The following PPP4R1 variants were observed in gnomAD, a reference collection of about 807,000 sequenced individuals.
PPP4R1 encodes the protein protein phosphatase 4 regulatory subunit 1, also known as serine/threonine-protein phosphatase 4 regulatory subunit 1.
In PPP4R1, 42 loss-of-function variants were observed where a neutral mutation model predicts 111.2. That is an observed-to-expected ratio of 0.38 (90% CI 0.29 to 0.49). The LOEUF (loss-of-function observed/expected upper bound fraction) is 0.49. Among genes scored for constraint, PPP4R1 ranks in the 20% least tolerant of loss-of-function variants. The pLI, the probability that PPP4R1 is intolerant of heterozygous loss-of-function variation, is 0.97. For synonymous variants in PPP4R1, 409 were observed against 405.5 expected (o/e 1.01, Z -0.10); for missense variants, 1,012 against 1,161.6 (o/e 0.87, Z 1.87).
chr18:9,573,957 G>T (rs1009620722), intron 10 of PPP4R1, among the ~76,000 whole-genome samples: 1 of 152,162 alleles, frequency 6.6e-6, no homozygotes, highest in African/African-American at 2.4e-5. Context: ...ATTGTGGACA[G>T]AACTACAGCA....
chr18:9,615,749 T>C (rs2067681024), upstream of PPP4R1, among the ~76,000 whole-genome samples: 1 of 152,204 alleles, frequency 6.6e-6, no homozygotes, highest in African/African-American at 2.4e-5. Flanking sequence ...GAGGGAATTC[T>C]AAGTAGTTAA....
At chr18:9,560,724 G>A (rs969931037) in intron 13 of PPP4R1, among the ~76,000 whole-genome samples, 7 of 152,008 alleles carry the variant, frequency 4.6e-5, no homozygotes, top group African/African-American at 1.4e-4. Flanking sequence ...TAGATGTGGC[G>A]GTGCACATCT....
chr18:9,560,884 T>C (rs1014725967), intron 13 of PPP4R1, among the ~76,000 whole-genome samples: 1 of 148,414 alleles, frequency 6.7e-6, no homozygotes, highest in Admixed American at 6.7e-5. Context: ...ACAAAATAAA[T>C]ATACCATTTG....
At chr18:9,554,188 C>T (rs901805177) in intron 15 of PPP4R1, among the ~76,000 whole-genome samples, 3 of 148,508 alleles carry the variant, frequency 2.0e-5, no homozygotes, top group Middle Eastern at 3.5e-3. Flanking sequence ...AGTGCAGTGG[C>T]GGGATCTCGG....
Position 9,584,498 on chromosome 18 carries a change from A to G in PPP4R1, c.759+17T>C, listed in dbSNP as rs201303060. On this transcript the variant is annotated intron_variant, in intron 8 of 19. Coordinates refer to ENST00000400556, the MANE Select transcript of PPP4R1 (RefSeq NM_001042388.3). ...TGTAACACACACTGTTTACTCCTTTATATCTGCAATACTTACCAACATTTC... is the reference window on the plus strand; with the variant it reads ...TGTAACACACACTGTTTACTCCTTTGTATCTGCAATACTTACCAACATTTC... The G allele has an allele frequency of 5.6e-6, 9 of 1,605,422 alleles. No individual in the cohort carries two copies. The highest frequency in any genetic ancestry group is 6.8e-6 in the Non-Finnish European group (8 of 1,176,476).
At chr18:9,600,120 T>C (rs538553639) in intron 2 of PPP4R1, among the ~76,000 whole-genome samples, 3 of 151,520 alleles carry the variant, frequency 2.0e-5, no homozygotes, top group South Asian at 2.1e-4. Flanking sequence ...TCTATCATGA[T>C]TGATAATCAC....
At chr18:9,594,263 A>G (rs2067257428) in intron 3 of PPP4R1, 1 of 154,512 alleles carries the variant, frequency 6.5e-6, no homozygotes, top group African/African-American at 2.4e-5. Flanking sequence ...AAATCTGTAT[A>G]TTTTTTAAGA....
rs1426994390 is a variant in PPP4R1 at position 9,614,548 on chromosome 18, C to T, written c.-64G>A. 14 of 993,168 alleles carry T rather than the reference C, an allele frequency of 1.4e-5. No homozygotes were observed. Among genetic ancestry groups the T allele is most frequent in the Non-Finnish European group, 1.7e-5 (14 of 835,088 alleles). The allele number at this position is 993,168 out of a possible 1,614,324, so 61.5% of individuals were successfully genotyped here. A position where few individuals can be genotyped will look rare whatever the true frequency, so the allele number is the denominator to read the frequency against. Reference sequence around the variant, plus strand: ...CGGGGCTACATGGAGCGGCGCGAGCCGGGGAGCCGGTGGACGCGCGCGGGA... The same window carrying T: ...CGGGGCTACATGGAGCGGCGCGAGCTGGGGAGCCGGTGGACGCGCGCGGGA... On this transcript the variant is annotated 5_prime_UTR_variant, in exon 1 of 20. Coordinates refer to ENST00000400556, the MANE Select transcript of PPP4R1 (RefSeq NM_001042388.3). This position sits in a 1 kb window ranked among gnomAD's most constrained non-coding sequence, Gnocchi z 4.1.
At chr18:9,608,044 A>G (rs997069213) in intron 2 of PPP4R1, among the ~76,000 whole-genome samples, 1 of 152,188 alleles carries the variant, frequency 6.6e-6, no homozygotes, top group East Asian at 1.9e-4. Flanking sequence ...TCGTTCTCCC[A>G]AAGTGCTGGG....
At chr18:9,564,697 G>GGGGTGT (rs1491470826) in intron 11 of PPP4R1, among the ~76,000 whole-genome samples, 1 of 93,492 alleles carries the variant, frequency 1.1e-5, no homozygotes, top group Admixed American at 1.1e-4. Context: ...TAAAGTGCAT[G>GGGGTGT]GTGTGTGTGT....
intron 10 of PPP4R1, among the ~76,000 whole-genome samples, chr18:9,574,053 C>A (rs2066901820): frequency 6.6e-6 from 1 of 152,122 alleles, no homozygotes; most frequent in Admixed American, 6.5e-5. Context: ...CAAAATCAAG[C>A]TGTTCAATGC....
chr18:9,547,717 T>C lies in PPP4R1; in HGVS notation c.*72A>G. ...CTCCTCCCCCGAAAGCTATCCCAGGTCACATGCGTGGCGAATGCCCACTGA... is the reference window on the plus strand; with the variant it reads ...CTCCTCCCCCGAAAGCTATCCCAGGCCACATGCGTGGCGAATGCCCACTGA... On this transcript the variant is annotated 3_prime_UTR_variant, in exon 20 of 20. Transcript: ENST00000400556. 1.9e-6 allele frequency: 3 copies of C among 1,561,840 alleles called. No homozygotes were observed. Among genetic ancestry groups the C allele is most frequent in the Non-Finnish European group, 2.6e-6 (3 of 1,139,094 alleles).
rs750981983 is a variant in PPP4R1, at chr18:9,584,761, C to T, written c.653G>A (p.Cys218Tyr). 1.9e-6 allele frequency: 3 copies of T among 1,613,884 alleles called. 1 individual carries two copies. The South Asian group carries it at 3.3e-5, about 18-fold the overall frequency. The stretch of plus-strand genomic sequence containing the variant: ...CATTCTGCAATCGCAGCACATCTCA[C>T]AAAACCTAGGGAGGATAAGACGCTC... ...ITERLILPRF[C>Y]EMCCDCRMFH... Residue 218 changes from cysteine to tyrosine, a missense_variant, in exon 7 of 20, where the codon TGT becomes TAT. Transcript: ENST00000400556.
intron 2 of PPP4R1, among the ~76,000 whole-genome samples, chr18:9,608,608 G>C (rs1484895821): frequency 6.6e-6 from 1 of 152,178 alleles, no homozygotes; most frequent in African/African-American, 2.4e-5. Context: ...AGAAATTAGA[G>C]GGAATACCTC....
chr18:9,576,545 T>C (rs894562552), intron 10 of PPP4R1, among the ~76,000 whole-genome samples: 7 of 152,292 alleles, frequency 4.6e-5, no homozygotes, highest in Non-Finnish European at 1.0e-4. Context: ...ATATACTGGC[T>C]AATATACTGG....
At chr18:9,589,864 C>G (rs2067182531) in intron 4 of PPP4R1, 1 of 152,464 alleles carries the variant, frequency 6.6e-6, no homozygotes, top group Non-Finnish European at 1.5e-5. Context: ...CGCCACTGCA[C>G]TCCACCCTGG....
upstream of PPP4R1, among the ~76,000 whole-genome samples, chr18:9,616,570 G>A (rs543047284): frequency 1.8e-4 from 27 of 152,222 alleles, no homozygotes; most frequent in African/African-American, 4.6e-4. Context: ...CACCAAACCC[G>A]GCCCAAATCA....
In PPP4R1 at chr18:9,614,380, C is replaced by G; in HGVS notation, c.7+98G>C. 3 of 1,025,086 alleles carry G rather than the reference C, an allele frequency of 2.9e-6. No individual in the cohort carries two copies. The highest frequency in any genetic ancestry group is 3.5e-6 in the Non-Finnish European group (3 of 852,184). The allele number at this position is 1,025,086 out of a possible 1,614,324, so 63.5% of individuals were successfully genotyped here. A position where few individuals can be genotyped will look rare whatever the true frequency, so the allele number is the denominator to read the frequency against. ...CCGGGGGCGCCTTCCCGCGCCGGGA[C>G]CCCACGCCGGCCCCGGCCCGGCAGC... On this transcript the variant is annotated intron_variant, in intron 1 of 19. Coordinates refer to ENST00000400556, the MANE Select transcript of PPP4R1 (RefSeq NM_001042388.3). This position sits in a 1 kb window ranked among gnomAD's most constrained non-coding sequence, Gnocchi z 4.1.
intron 19 of PPP4R1, 72 bp downstream of exon 19, chr18:9,549,125 T>C: frequency 2.0e-6 from 3 of 1,526,912 alleles, no homozygotes; most frequent in Non-Finnish European, 2.7e-6. Flanking sequence ...TGCTTTGATA[T>C]CTGCTGATCC....
Sources: allele counts gnomAD v4.1 joint callset (sites outside exome capture counted in the v4.1 genomes callset), GRCh38; gene constraint gnomAD v4.1.1; non-coding constraint Gnocchi (gnomAD v3.1); transcripts MANE v1.5; gene names NCBI Gene and HGNC (gene_info 2026-07-23, HGNC 2026-07-21).